ATG3: variants seen among roughly 807,000 people sequenced by gnomAD.
ATG3 encodes the protein ubiquitin-like-conjugating enzyme ATG3.
ATG3 carries 25 observed loss-of-function variants against 50.7 expected under a neutral mutation model. The observed-to-expected ratio is 0.49, with a 90% CI of 0.36 to 0.69. The LOEUF is 0.69. Ranked by LOEUF, ATG3 falls within the 30% of genes least tolerant of loss-of-function variation. The pLI, the probability that ATG3 is intolerant of heterozygous loss-of-function variation, is 0.00. For missense variants in ATG3, 281 were observed against 376.0 expected (o/e 0.75, Z 2.09); for synonymous variants, 119 against 125.5 (o/e 0.95, Z 0.34).
At chr3:112,556,202 A>C (rs1276993672) in intron 2 of ATG3, among the ~76,000 whole-genome samples, 2 of 152,274 alleles carry the variant, frequency 1.3e-5, no homozygotes, top group Non-Finnish European at 1.5e-5. Context: ...GTTATTTTAT[A>C]GATGAGGAAA....
chr3:112,544,160 T>C, intron 5 of ATG3, 54 bp from the exon 6 acceptor site: 3 of 1,392,740 alleles, frequency 2.2e-6, no homozygotes, highest in African/African-American at 2.9e-5. Flanking sequence ...AAACACCCTA[T>C]TTACTTATTA....
rs1933057276 is a variant in ATG3, at chr3:112,536,667, A to G, written c.667-65T>C. The G allele has an allele frequency of 5.1e-6, 8 of 1,565,286 alleles. No individual in the cohort carries two copies. The South Asian group carries it at 8.0e-5, about 16-fold the overall frequency. On this transcript the variant is annotated intron_variant, in intron 9 of 11. Transcript: ENST00000283290. The stretch of plus-strand genomic sequence containing the variant: ...CCGGGTGCAGTGGCTCACGCCTGTA[A>G]TCCCAGCACTGTGGGAGACTGAGGT...
intron 7 of ATG3, among the ~76,000 whole-genome samples, chr3:112,540,288 CT>C (rs1161928123): frequency 6.6e-6 from 1 of 152,200 alleles, no homozygotes; most frequent in African/African-American, 2.4e-5. Context: ...TACTTTTGAT[CT>C]AGCAAGCATC....
chr3:112,537,537 C>T (rs968785714), intron 9 of ATG3, 198 bp downstream of exon 9: 5 of 418,442 alleles, frequency 1.2e-5, no homozygotes, highest in Middle Eastern at 6.3e-4. Flanking sequence ...TATGTCTTAG[C>T]ATTATTGTTA....
intron 2 of ATG3, among the ~76,000 whole-genome samples, chr3:112,553,579 G>GT (rs1007975812): frequency 1.4e-4 from 22 of 152,178 alleles, no homozygotes; most frequent in African/African-American, 4.6e-4. Flanking sequence ...AACAAGTGCT[G>GT]TTTTTTAAAA....
At chr3:112,552,997 G>A (rs987727398) in intron 3 of ATG3, among the ~76,000 whole-genome samples, 1 of 152,112 alleles carries the variant, frequency 6.6e-6, no homozygotes, top group African/African-American at 2.4e-5. Flanking sequence ...GAACCAGAAG[G>A]TCAGACTTAG....
chr3:112,540,760 G>GAA (rs931401680), intron 7 of ATG3, among the ~76,000 whole-genome samples: 1 of 146,254 alleles, frequency 6.8e-6, no homozygotes, highest in Non-Finnish European at 1.5e-5. Flanking sequence ...AACCAAGAGA[G>GAA]AAAAAAAAAA....
At chr3:112,561,370 CGG>C in intron 1 of ATG3, 85 bp downstream of exon 1, 10 of 1,392,558 alleles carry the variant, frequency 7.2e-6, no homozygotes, top group Non-Finnish European at 9.1e-6. Context: ...CTTGCCCCGC[CGG>C]AGAAAGCGGG....
intron 9 of ATG3, among the ~76,000 whole-genome samples, chr3:112,536,957 A>G (rs1392215950): frequency 8.9e-5 from 11 of 123,844 alleles, no homozygotes; most frequent in African/African-American, 2.1e-4. Flanking sequence ...AAAAAAAAAA[A>G]AAAAAGAAAT....
intron 8 of ATG3, 97 bp from the exon 9 acceptor site, chr3:112,537,987 T>TA: frequency 7.6e-7 from 1 of 1,314,922 alleles, no homozygotes; most frequent in Non-Finnish European, 1.0e-6. Flanking sequence ...TTTGTTTTCT[T>TA]AAGAGTAAAT....
At chr3:112,534,163 T>C in intron 11 of ATG3, 106 bp downstream of exon 11, 1 of 1,492,480 alleles carries the variant, frequency 6.7e-7, no homozygotes, top group Non-Finnish European at 8.9e-7. Flanking sequence ...AGATGAGAAG[T>C]TAAAACAAGT....
rs973662203 is a variant in ATG3, at chr3:112,553,282, T to C, written c.162A>G (p.Gln54=). The change falls in exon 3 of 12, where the codon CAA becomes CAG. Residue 54 remains glutamine (Q), a splice_region_variant and synonymous_variant. Coordinates refer to ENST00000283290, the MANE Select transcript of ATG3 (RefSeq NM_022488.5). ...DHLVHHCPTW[Q]WATGEELKVK... ...ATTCTTTACTCAATATTACTTACCATTGCCATGTTGGACAGTGGTGGACTA... is the reference window on the plus strand; with the variant it reads ...ATTCTTTACTCAATATTACTTACCACTGCCATGTTGGACAGTGGTGGACTA... The C allele has an allele frequency of 6.2e-7, 1 of 1,607,858 alleles. No homozygotes were observed. Among genetic ancestry groups the C allele is most frequent in the Non-Finnish European group, 8.5e-7 (1 of 1,174,388 alleles).
chr3:112,556,214 A>G (rs1424938725), intron 2 of ATG3, among the ~76,000 whole-genome samples: 1 of 152,248 alleles, frequency 6.6e-6, no homozygotes, highest in Non-Finnish European at 1.5e-5. Flanking sequence ...ATGAGGAAAC[A>G]TGAAGCCTCG....
chr3:112,533,766 A>G, intron 11 of ATG3: 2 of 985,384 alleles, frequency 2.0e-6, no homozygotes, highest in Non-Finnish European at 2.4e-6. Context: ...ACTGAGTAGG[A>G]AAACTATAGT....
At chr3:112,557,917 T>C (rs978548992) in intron 2 of ATG3, among the ~76,000 whole-genome samples, 1 of 151,302 alleles carries the variant, frequency 6.6e-6, no homozygotes, top group South Asian at 2.1e-4. Flanking sequence ...CTGAAAAGGT[T>C]TTTAGCCCAG....
Position 112,548,435 on chromosome 3 carries a change from A to G in ATG3, c.343+98T>C, listed in dbSNP as rs1200438483. On this transcript the variant is annotated intron_variant, in intron 5 of 11. Coordinates refer to ENST00000283290, the MANE Select transcript of ATG3 (RefSeq NM_022488.5). ...CATGTAAGTCTATTGGGACAAAACT[A>G]TGCCTTATGTATCCTCTTTTTTAAA... is the stretch of plus-strand genomic sequence containing the variant. 22 of 1,064,872 alleles carry G rather than the reference A, an allele frequency of 2.1e-5. No individual in the cohort carries two copies. The Admixed American group carries it at 4.2e-4, about 20-fold the overall frequency. The allele number at this position is 1,064,872 out of a possible 1,614,324, so 66.0% of individuals were successfully genotyped here.
intron 1 of ATG3, among the ~76,000 whole-genome samples, chr3:112,560,225 TATG>T (rs1320048642): frequency 6.6e-6 from 1 of 152,250 alleles, no homozygotes; most frequent in Admixed American, 6.5e-5. Context: ...CCTAGGTAGA[TATG>T]ATATTCTGAA....
chr3:112,550,391 T>C, intron 3 of ATG3, 129 bp from the exon 4 acceptor site: 1 of 729,756 alleles, frequency 1.4e-6, no homozygotes, highest in Non-Finnish European at 2.2e-6. Flanking sequence ...TTAAAATTGA[T>C]TTGGGAAGGA....
At chr3:112,561,301 A>G (rs1933864181) in intron 1 of ATG3, among the ~76,000 whole-genome samples, 156 bp downstream of exon 1, 1 of 152,160 alleles carries the variant, frequency 6.6e-6, no homozygotes, top group African/African-American at 2.4e-5. Context: ...CAGCCGGTTA[A>G]GACTACGGGT....
Sources: allele counts gnomAD v4.1 joint callset (sites outside exome capture counted in the v4.1 genomes callset), GRCh38; gene constraint gnomAD v4.1.1; transcripts MANE v1.5; gene names NCBI Gene and HGNC (gene_info 2026-07-23, HGNC 2026-07-21).